The following HMGCLL1 variants were observed in gnomAD, a reference collection of about 807,000 sequenced individuals.
HMGCLL1 encodes the protein 3-hydroxy-3-methylglutaryl-CoA lyase like 1.
HMGCLL1 carries 36 observed loss-of-function variants against 39.1 expected under a neutral mutation model. That is an observed-to-expected ratio of 0.92 (90% confidence interval 0.71 to 1.22). The LOEUF (loss-of-function observed/expected upper bound fraction) is 1.22, where lower values mean the gene tolerates loss of function less well. Ranked by LOEUF, HMGCLL1 falls within the 50% of genes most tolerant of loss-of-function variation. The pLI, the probability that HMGCLL1 is intolerant of heterozygous loss-of-function variation, is 0.00. For missense variants in HMGCLL1, 451 were observed against 416.5 expected (o/e 1.08, Z -0.72); for synonymous variants, 149 against 144.0 (o/e 1.03, Z -0.25).
chr6:55,671,165 A>G, the HMGCLL1 span, among the ~76,000 whole-genome samples: 3 of 151,792 alleles, frequency 2.0e-5, no homozygotes, highest in African/African-American at 7.2e-5. Flanking sequence ...TATGGGCTGA[A>G]GCAGTGAATA....
chr6:55,444,280 CAA>C (rs995461770), intron 7 of HMGCLL1, among the ~76,000 whole-genome samples: 3 of 152,054 alleles, frequency 2.0e-5, no homozygotes, highest in African/African-American at 7.2e-5. Flanking sequence ...AGTTCCTTAT[CAA>C]AGAGTCCTTT....
intron 7 of HMGCLL1, among the ~76,000 whole-genome samples, chr6:55,491,895 A>G (rs10456715): frequency 0.33 from 49,518 of 151,676 alleles, 8,512 homozygotes; most frequent in Non-Finnish European, 0.37. Context: ...CCATACAACA[A>G]TCTCTGGTCC....
intron 1 of HMGCLL1, among the ~76,000 whole-genome samples, chr6:55,574,726 T>C (rs1225890754): frequency 1.3e-5 from 2 of 151,976 alleles, no homozygotes; most frequent in Non-Finnish European, 1.5e-5. Context: ...GTAAATGTAC[T>C]AACAACTACA....
the HMGCLL1 span, among the ~76,000 whole-genome samples, chr6:55,634,783 T>C: frequency 2.0e-5 from 3 of 152,142 alleles, no homozygotes; most frequent in Non-Finnish European, 2.9e-5. Flanking sequence ...AATTTTAGTC[T>C]CTAGAAGATG....
chr6:55,573,684 CAAAT>C (rs1380774338), intron 1 of HMGCLL1, among the ~76,000 whole-genome samples: 4 of 151,914 alleles, frequency 2.6e-5, no homozygotes, highest in South Asian at 2.1e-4. Context: ...ATGTAAGAAA[CAAAT>C]AAGGCACAGA....
At chr6:55,550,644 G>A (rs1770278137) in intron 1 of HMGCLL1, among the ~76,000 whole-genome samples, 2 of 151,858 alleles carry the variant, frequency 1.3e-5, no homozygotes, top group South Asian at 4.1e-4. Context: ...GGAGCTAGAT[G>A]AGTTGCTGGT....
chr6:55,547,428 T>G (rs1020919939), intron 1 of HMGCLL1, among the ~76,000 whole-genome samples: 1 of 152,030 alleles, frequency 6.6e-6, no homozygotes, highest in Non-Finnish European at 1.5e-5. Flanking sequence ...TGATTGCTTA[T>G]TAGTCACCCT....
intron 6 of HMGCLL1, among the ~76,000 whole-genome samples, chr6:55,498,319 A>G (rs1766695340): frequency 6.6e-6 from 1 of 152,132 alleles, no homozygotes; most frequent in African/African-American, 2.4e-5. Flanking sequence ...AACCTAAAAA[A>G]TCTGAATTGT....
At chr6:55,635,196 A>G in the HMGCLL1 span, among the ~76,000 whole-genome samples, 25 of 152,154 alleles carry the variant, frequency 1.6e-4, no homozygotes, top group Non-Finnish European at 8.8e-5. Context: ...AATAGAAAAA[A>G]TCAAGTATAT....
At chr6:55,508,501 T>C (rs7751266) in intron 5 of HMGCLL1, among the ~76,000 whole-genome samples, 102,120 of 151,510 alleles carry the variant, frequency 0.67, 34,456 homozygotes, top group Non-Finnish European at 0.7. Context: ...AGGTATTCTG[T>C]GTTCTAATTT....
At chr6:55,624,151 T>C in the HMGCLL1 span, among the ~76,000 whole-genome samples, 1 of 152,120 alleles carries the variant, frequency 6.6e-6, no homozygotes, top group South Asian at 2.1e-4. Flanking sequence ...TGCATCCCTA[T>C]AGGAATTGTG....
At chr6:55,555,358 C>T (rs974922620) in intron 1 of HMGCLL1, among the ~76,000 whole-genome samples, 5 of 152,150 alleles carry the variant, frequency 3.3e-5, no homozygotes, top group South Asian at 2.1e-4. Flanking sequence ...ACAACAACAA[C>T]GATCCCACAA....
intron 5 of HMGCLL1, among the ~76,000 whole-genome samples, chr6:55,510,493 G>A (rs547698140): frequency 3.3e-5 from 5 of 151,198 alleles, no homozygotes; most frequent in African/African-American, 1.2e-4. Flanking sequence ...CCTTTGTAGG[G>A]ACATGGATGA....
chr6:55,462,504 A>T (rs574496043), intron 7 of HMGCLL1, among the ~76,000 whole-genome samples: 34 of 152,304 alleles, frequency 2.2e-4, no homozygotes, highest in African/African-American at 7.5e-4. Context: ...CCAGAAATTT[A>T]AATTTAAATT....
chr6:55,603,406 G>A, the HMGCLL1 span, among the ~76,000 whole-genome samples: 5 of 151,880 alleles, frequency 3.3e-5, no homozygotes, highest in Admixed American at 3.3e-4. Flanking sequence ...AAAGGGTTAG[G>A]GAGGTATTTG....
At chr6:55,557,633 C>A (rs1249518631) in intron 1 of HMGCLL1, among the ~76,000 whole-genome samples, 1 of 152,068 alleles carries the variant, frequency 6.6e-6, no homozygotes, top group Non-Finnish European at 1.5e-5. Context: ...TTTTGAACCC[C>A]AGAGGTGTCT....
intron 1 of HMGCLL1, among the ~76,000 whole-genome samples, chr6:55,549,990 T>C (rs1290714548): frequency 6.6e-6 from 1 of 151,952 alleles, no homozygotes; most frequent in Non-Finnish European, 1.5e-5. Context: ...AATGTTTCTT[T>C]TCTGATTGGC....
chr6:55,615,000 A>T, the HMGCLL1 span, among the ~76,000 whole-genome samples: 1 of 152,126 alleles, frequency 6.6e-6, no homozygotes, highest in Non-Finnish European at 1.5e-5. Context: ...TATGAAATAT[A>T]TATTAGCTCT....
chr6:55,449,615 GCTTT>G (rs1397138786), intron 7 of HMGCLL1, among the ~76,000 whole-genome samples: 99 of 152,314 alleles, frequency 6.5e-4, no homozygotes, highest in African/African-American at 2.2e-3. Flanking sequence ...TTTGCTGGCT[GCTTT>G]CTATTTGTTC....
Sources: allele counts gnomAD v4.1 joint callset (sites outside exome capture counted in the v4.1 genomes callset), GRCh38; gene constraint gnomAD v4.1.1; transcripts MANE v1.5; gene names NCBI Gene and HGNC (gene_info 2026-07-23, HGNC 2026-07-21).